Variants in DISP3 observed in about 807,000 individuals in gnomAD.
The protein encoded by DISP3 is protein dispatched homolog 3.
Under a neutral mutation model 135.3 loss-of-function variants are expected in DISP3, and 101 were observed. The ratio of observed to expected loss-of-function variants is 0.75; its 90% CI spans 0.64 to 0.88. The LOEUF is 0.88. Ranked by LOEUF, DISP3 falls within the 40% of genes least tolerant of loss-of-function variation. The pLI is 0.00. For missense variants in DISP3, 1,713 were observed against 1,878.6 expected, an observed-to-expected ratio of 0.91 and a Z score of 1.63; for synonymous variants, 856 against 817.0, an observed-to-expected ratio of 1.05 and a Z score of -0.81.
chr1:11,511,635 A>G (rs2594316), intron 3 of DISP3, among the ~76,000 whole-genome samples: 136,277 of 152,168 alleles, frequency 0.9, 61,268 homozygotes, highest in African/African-American at 0.97. Flanking sequence ...GAGTGTCTGC[A>G]GCTTTTCCAG....
rs12562563 is a variant in DISP3, at chr1:11,521,170, C to T, written c.2362+322C>T. On this transcript the variant is annotated intron_variant, in intron 10 of 20. Transcript: ENST00000294484. ...GGAAGAATAGGGTGTCTTAGAGGCC[C>T]ACGTCATGGAAGGCTTCCTGGAGGA... 6.6e-5 allele frequency among the ~76,000 whole-genome samples: 10 copies of T among 152,004 alleles called. No individual in the cohort carries two copies. The East Asian group carries it at 1.9e-3, about 30-fold the overall frequency.
chr1:11,484,034 G>A (rs1164431437), intron 1 of DISP3, among the ~76,000 whole-genome samples: 1 of 152,202 alleles, frequency 6.6e-6, no homozygotes, highest in Non-Finnish European at 1.5e-5. Flanking sequence ...GGACCTAACT[G>A]ATGCAGCCAG....
At chr1:11,517,674 A>C in intron 7 of DISP3, 72 bp downstream of exon 7, 1 of 1,555,492 alleles carries the variant, frequency 6.4e-7, no homozygotes, top group Non-Finnish European at 8.7e-7. Flanking sequence ...CAGTGCAGCA[A>C]CCTCTCTTCC....
Position 11,519,601 on chromosome 1 carries a change from G to A in DISP3, c.2038+98G>A. On this transcript the variant is annotated intron_variant, in intron 8 of 20. Transcript: ENST00000294484. The surrounding 1 kb of genome is among the most constrained non-coding windows in gnomAD (Gnocchi z 4.3). ...TTGACAAGTTGGTCCTGAGGCTGGG[G>A]GCCGGACAAGATGGCCTGTGGGCTT... 1.3e-6 allele frequency: 2 copies of A among 1,572,982 alleles called. No homozygotes were observed. The highest frequency in any genetic ancestry group is 4.5e-5 in the East Asian group (2 of 44,354).
chr1:11,518,717 C>T (rs1642083255), intron 7 of DISP3, among the ~76,000 whole-genome samples: 1 of 152,212 alleles, frequency 6.6e-6, no homozygotes, highest in African/African-American at 2.4e-5. Flanking sequence ...ATCTCAGTTT[C>T]CTTTTCTGTG....
In DISP3 at chr1:11,523,973, G is replaced by A; in HGVS notation, c.2394G>A (p.Gln798=). ...TCCAGGAGAAGCCCCACAGCCTGCAGAACAACATCCGGACGTCCCTGGAGA... is the reference window on the plus strand; with the variant it reads ...TCCAGGAGAAGCCCCACAGCCTGCAAAACAACATCCGGACGTCCCTGGAGA... ...GLFQEKPHSL[Q]NNIRTSLEKK... The change falls in exon 11 of 21, where the codon CAG becomes CAA. Residue 798 remains glutamine, a synonymous_variant. Transcript: ENST00000294484. 6.2e-7 allele frequency: 1 copy of A among 1,613,172 alleles called. No homozygotes were observed. The highest frequency in any genetic ancestry group is 2.2e-5 in the East Asian group (1 of 44,822).
chr1:11,531,179 T>A lies in DISP3; in HGVS notation c.3229+146T>A. The A allele has an allele frequency of 7.5e-7, 1 of 1,341,484 alleles. No individual in the cohort carries two copies. Among genetic ancestry groups the A allele is most frequent in the Non-Finnish European group, 1.0e-6 (1 of 987,982 alleles). The allele number at this position is 1,341,484 out of a possible 1,614,324, so 83.1% of individuals were successfully genotyped here. ...CAGATGTGTATCTGTGCTGAGCATG[T>A]CCACACCAGGGTGGGGTGTGTGCCG... On this transcript the variant is annotated intron_variant, in intron 16 of 20. Transcript: ENST00000294484. The surrounding 1 kb of genome is among the most constrained non-coding windows in gnomAD (Gnocchi z 5.2).
rs1640957700 is a variant in DISP3, at chr1:11,483,439, C to T, written c.-4+4067C>T. Among the ~76,000 whole-genome samples the T allele has an allele frequency of 6.6e-6, 1 of 152,210 alleles. No homozygotes were observed. Among genetic ancestry groups the T allele is most frequent in the African/African-American group, 2.4e-5 (1 of 41,458 alleles). ...CATGTCACATGAATTGTCATCCTCA[C>T]TTAATGTGTGGGAAAAACAAAGTTC... On this transcript the variant is annotated intron_variant, in intron 1 of 20. Coordinates refer to ENST00000294484, the MANE Select transcript of DISP3 (RefSeq NM_020780.2). The surrounding 1 kb of genome is among the most constrained non-coding windows in gnomAD (Gnocchi z 5.4).
intron 13 of DISP3, among the ~76,000 whole-genome samples, chr1:11,527,665 G>A (rs1346828271): frequency 1.3e-5 from 2 of 152,146 alleles, no homozygotes; most frequent in Admixed American, 6.5e-5. Context: ...CCCGGGAGCT[G>A]CTCCCCACCT....
chr1:11,518,878 C>T (rs539829836), intron 7 of DISP3, among the ~76,000 whole-genome samples: 1 of 152,290 alleles, frequency 6.6e-6, no homozygotes, highest in African/African-American at 2.4e-5. Context: ...TCGTATCAGC[C>T]GTGAGGATTA....
At chr1:11,494,270 C>G (rs112328220) in intron 1 of DISP3, among the ~76,000 whole-genome samples, 1 of 152,212 alleles carries the variant, frequency 6.6e-6, no homozygotes, top group Non-Finnish European at 1.5e-5. Context: ...AGTACTGGCA[C>G]GTGGTAGATG....
chr1:11,533,741 A>ACACGCACG, intron 17 of DISP3: 1 of 716,932 alleles, frequency 1.4e-6, no homozygotes, highest in Non-Finnish European at 2.6e-6. Flanking sequence ...ACGCATGCAC[A>ACACGCACG]CACACACGCA....
chr1:11,522,205 A>T (rs1642216514), intron 10 of DISP3, among the ~76,000 whole-genome samples: 1 of 152,094 alleles, frequency 6.6e-6, no homozygotes, highest in Middle Eastern at 3.2e-3. Flanking sequence ...GCAGTTAGAA[A>T]CCAAATGAGA....
chr1:11,534,774 C>T, intron 18 of DISP3: 1 of 771,892 alleles, frequency 1.3e-6, no homozygotes, highest in Middle Eastern at 2.3e-4. Context: ...AAGTAACAGT[C>T]ATGACCATGA....
intron 18 of DISP3, chr1:11,534,793 G>A: frequency 1.3e-6 from 1 of 759,674 alleles, no homozygotes; most frequent in Non-Finnish European, 2.3e-6. Context: ...GATGGCAGCT[G>A]CCAGTTACCA....
chr1:11,518,825 C>T (rs117770448), intron 7 of DISP3, among the ~76,000 whole-genome samples: 1 of 152,166 alleles, frequency 6.6e-6, no homozygotes, highest in East Asian at 1.9e-4. Context: ...GCTCCCAGCT[C>T]ACTGCTGGCA....
chr1:11,531,491 G>T lies in DISP3; in HGVS notation c.3230-74G>T. The T allele has an allele frequency of 6.3e-7, 1 of 1,599,048 alleles. No individual in the cohort carries two copies. The highest frequency in any genetic ancestry group is 8.6e-7 in the Non-Finnish European group (1 of 1,168,302). ...AAGCCTCAGAGGTATGTGAGTGCGTGGGCACAGGTGTGATGCAGGGGGACA... is the reference window on the plus strand; with the variant it reads ...AAGCCTCAGAGGTATGTGAGTGCGTTGGCACAGGTGTGATGCAGGGGGACA... On this transcript the variant is annotated intron_variant, in intron 16 of 20. Coordinates refer to ENST00000294484, the MANE Select transcript of DISP3 (RefSeq NM_020780.2). The surrounding 1 kb of genome is among the most constrained non-coding windows in gnomAD (Gnocchi z 5.2).
In DISP3 at chr1:11,531,862, A is replaced by G; in HGVS notation, c.3375+152A>G. On this transcript the variant is annotated intron_variant, in intron 17 of 20. Coordinates refer to ENST00000294484, the MANE Select transcript of DISP3 (RefSeq NM_020780.2). This position sits in a 1 kb window ranked among gnomAD's most constrained non-coding sequence, Gnocchi z 5.2. ...TGAGGTCACATAGTTAGTGGGTGTC[A>G]GTGTCGAGTGTGAAACCAGACCGCC... is the stretch of plus-strand genomic sequence containing the variant. 8.5e-7 allele frequency: 1 copy of G among 1,170,598 alleles called. No homozygotes were observed. 72.5% of individuals were successfully genotyped at this position (1,170,598 alleles called of 1,614,324 possible).
chr1:11,501,540 C>A lies in DISP3; in HGVS notation c.548C>A (p.Pro183Gln), dbSNP rs767991605. Residue 183 changes from proline to glutamine, a missense_variant, in exon 2 of 21, where the codon CCA (proline) becomes CAA (glutamine). Transcript: ENST00000294484. The surrounding 1 kb of genome is among the most constrained non-coding windows in gnomAD (Gnocchi z 4.9). ...ATCCCCGCGGCCTCACTCGGTGGCC[C>A]AGGCCCTTACCGGGACACTTCCGCG... is the stretch of plus-strand genomic sequence containing the variant. ...RVIPAASLGG[P>Q]GPYRDTSAAQ... The A allele has an allele frequency of 4.4e-6, 7 of 1,594,070 alleles. No homozygotes were observed. The African/African-American group carries it at 9.4e-5, about 21-fold the overall frequency.
Sources: gnomAD v4.1 joint callset for allele counts (sites outside exome capture counted in the v4.1 genomes callset) on GRCh38, gnomAD v4.1.1 for gene constraint, Gnocchi (gnomAD v3.1) non-coding constraint, MANE v1.5 for transcripts, NCBI Gene and HGNC (gene_info 2026-07-23, HGNC 2026-07-21) for gene names.